The following SOX5 variants were observed in gnomAD, a reference collection of about 807,000 sequenced individuals.
SOX5 encodes SRY-box transcription factor 5.
In SOX5, 9 loss-of-function variants were observed where a neutral mutation model predicts 92.0. The observed-to-expected ratio is 0.10, with a 90% CI of 0.06 to 0.17. SOX5 has a LOEUF of 0.17. Among genes scored for constraint, SOX5 ranks in the 10% least tolerant of loss-of-function variants. The probability of loss-of-function intolerance (pLI) is 1.00; values close to 1 mark genes in which losing one functional copy is unlikely to be tolerated. For missense variants in SOX5, 642 were observed against 944.5 expected, an observed-to-expected ratio of 0.68 and a Z score of 4.20; for synonymous variants, 344 against 336.3, an observed-to-expected ratio of 1.02 and a Z score of -0.25.
intron 1 of SOX5, among the ~76,000 whole-genome samples, chr12:23,904,190 G>T (rs1595523016): frequency 1.3e-5 from 2 of 152,024 alleles, no homozygotes; most frequent in East Asian, 1.9e-4. Context: ...CCTTTAAATA[G>T]AAGATTTATT....
intron 3 of SOX5, among the ~76,000 whole-genome samples, chr12:23,842,865 C>T (rs999383274): frequency 2.0e-5 from 3 of 152,088 alleles, no homozygotes; most frequent in Admixed American, 6.6e-5. Flanking sequence ...CTCCCTATTC[C>T]GTAAGTGTGG....
chr12:24,551,629 G>A (rs16927698), intron 1 of SOX5, among the ~76,000 whole-genome samples: 47,133 of 151,932 alleles, frequency 0.31, 8,774 homozygotes, highest in East Asian at 0.81. Context: ...ATCCTCATGC[G>A]GTAACTGTTA....
chr12:24,524,949 AC>A (rs1950574284), intron 1 of SOX5, among the ~76,000 whole-genome samples: 1 of 152,196 alleles, frequency 6.6e-6, no homozygotes, highest in Non-Finnish European at 1.5e-5. Flanking sequence ...GAGTGACACA[AC>A]AGGACCCTGT....
intron 2 of SOX5, among the ~76,000 whole-genome samples, chr12:24,316,713 A>G (rs1006214678): frequency 6.6e-6 from 1 of 152,234 alleles, no homozygotes; most frequent in Non-Finnish European, 1.5e-5. Context: ...AAATGTATTT[A>G]GAGAGAAATT....
intron 5 of SOX5, among the ~76,000 whole-genome samples, chr12:23,737,615 C>T (rs1046971606): frequency 1.3e-5 from 2 of 152,106 alleles, no homozygotes; most frequent in African/African-American, 4.8e-5. Flanking sequence ...AGCAAAAAGC[C>T]GGTGTACATA....
chr12:24,444,301 T>C (rs1566179488), intron 1 of SOX5, among the ~76,000 whole-genome samples: 1 of 146,224 alleles, frequency 6.8e-6, no homozygotes, highest in Non-Finnish European at 1.5e-5. Context: ...TGTGTGTGTG[T>C]GTGCACCCAT....
At chr12:24,090,721 G>A (rs1944541292) in intron 4 of SOX5, among the ~76,000 whole-genome samples, 1 of 152,156 alleles carries the variant, frequency 6.6e-6, no homozygotes, top group South Asian at 2.1e-4. Context: ...AGCAAGATCT[G>A]TGCTATAGTA....
At chr12:23,749,925 G>C (rs1293158462) in intron 4 of SOX5, among the ~76,000 whole-genome samples, 10 of 151,678 alleles carry the variant, frequency 6.6e-5, no homozygotes, top group Non-Finnish European at 7.4e-5. Context: ...AGTCTACAAG[G>C]GGCTGGTCAA....
At chr12:23,877,554 C>T (rs200263864) in intron 2 of SOX5, among the ~76,000 whole-genome samples, 21 of 152,098 alleles carry the variant, frequency 1.4e-4, no homozygotes, top group Middle Eastern at 3.4e-3. Flanking sequence ...GATATTACTT[C>T]CTGGTAATTT....
At chr12:23,598,082 C>T (rs1952764235) in intron 9 of SOX5, among the ~76,000 whole-genome samples, 1 of 152,134 alleles carries the variant, frequency 6.6e-6, no homozygotes, top group Admixed American at 6.5e-5. Flanking sequence ...CTTAGAAATA[C>T]TACATTCACA....
chr12:23,904,080 C>T (rs2097265596), intron 1 of SOX5, among the ~76,000 whole-genome samples: 1 of 152,110 alleles, frequency 6.6e-6, no homozygotes, highest in African/African-American at 2.4e-5. Flanking sequence ...TTCTCTCTTA[C>T]ATGTTTTGAA....
chr12:23,784,731 C>T (rs892692452), intron 3 of SOX5, among the ~76,000 whole-genome samples: 1 of 152,196 alleles, frequency 6.6e-6, no homozygotes, highest in Non-Finnish European at 1.5e-5. Context: ...CAAGGCTCTA[C>T]TGATTCTTCA....
At chr12:24,523,222 C>T (rs189325618) in intron 1 of SOX5, among the ~76,000 whole-genome samples, 8 of 152,028 alleles carry the variant, frequency 5.3e-5, no homozygotes, top group Non-Finnish European at 1.2e-4. Flanking sequence ...AACTATAAAA[C>T]ATTGGTGAAA....
rs190553392 is a variant in SOX5, at chr12:24,114,821, A to T, written c.-2+98522T>A. Among the ~76,000 whole-genome samples, 805 of 152,014 alleles carry T rather than the reference A, an allele frequency of 5.3e-3. 15 individuals are homozygous for T. The highest frequency in any genetic ancestry group is 0.018 in the African/African-American group (752 of 41,480). On this transcript the variant is annotated intron_variant, in intron 4 of 4. Transcript: ENST00000446891. ...CATAGTGGTGCATGCCTATAGTCCT[A>T]GCTACTCGGGAGGCTGGGGTGCGGG...
chr12:23,891,396 A>G (rs537789108), intron 2 of SOX5, among the ~76,000 whole-genome samples: 3 of 152,302 alleles, frequency 2.0e-5, no homozygotes, highest in African/African-American at 7.2e-5. Context: ...AGTGTACAGA[A>G]CTTCTATCTC....
intron 1 of SOX5, among the ~76,000 whole-genome samples, chr12:24,496,848 T>C (rs1358447605): frequency 1.3e-5 from 2 of 152,216 alleles, no homozygotes; most frequent in Admixed American, 1.3e-4. Context: ...CCTGAATTTA[T>C]TACTTACACC....
At position 23,823,037 on chromosome 12, in the gene SOX5, A is replaced by G. The variant is rs141802491; in HGVS notation, c.481+22946T>C. Among the ~76,000 whole-genome samples the G allele has an allele frequency of 3.9e-4, 59 of 152,278 alleles. 2 individuals are homozygous for G. The East Asian group carries it at 0.011, about 27-fold the overall frequency. ...TGCACATGAGGTGGGTCTCCTGAAT[A>G]CAGCACACTGATGTTTCTTGACTCT... On this transcript the variant is annotated intron_variant, in intron 3 of 14. Coordinates refer to ENST00000451604, the MANE Select transcript of SOX5 (RefSeq NM_006940.6).
At chr12:24,350,369 T>G (rs1259236754) in intron 2 of SOX5, among the ~76,000 whole-genome samples, 1 of 152,186 alleles carries the variant, frequency 6.6e-6, no homozygotes, top group African/African-American at 2.4e-5. Context: ...TGGGCCAGGA[T>G]GGAGTGTGTC....
At chr12:24,156,692 T>C (rs1952208061) in intron 4 of SOX5, among the ~76,000 whole-genome samples, 1 of 152,172 alleles carries the variant, frequency 6.6e-6, no homozygotes, top group African/African-American at 2.4e-5. Flanking sequence ...TACATCTTAT[T>C]TTCTCAGATA....
Sources: gnomAD v4.1 joint callset for allele counts (sites outside exome capture counted in the v4.1 genomes callset) on GRCh38, gnomAD v4.1.1 for gene constraint, MANE v1.5 for transcripts, NCBI Gene and HGNC (gene_info 2026-07-23, HGNC 2026-07-21) for gene names.